TRAF3IP1: variants seen among roughly 807,000 people sequenced by gnomAD.
The protein encoded by TRAF3IP1 is TRAF3-interacting protein 1.
A neutral mutation model predicts 89.9 loss-of-function variants in TRAF3IP1; 53 were observed. That is an observed-to-expected ratio of 0.59 (90% CI 0.47 to 0.74). The LOEUF is 0.74. Among genes scored for constraint, TRAF3IP1 ranks in the 30% least tolerant of loss-of-function variants. TRAF3IP1 has a pLI of 0.00. For missense variants in TRAF3IP1, 806 were observed against 866.1 expected, an observed-to-expected ratio of 0.93 and a Z score of 0.87; for synonymous variants, 311 against 322.1, an observed-to-expected ratio of 0.97 and a Z score of 0.37.
intron 10 of TRAF3IP1, among the ~76,000 whole-genome samples, chr2:238,348,230 G>A (rs1698990997): frequency 6.6e-6 from 1 of 151,566 alleles, no homozygotes; most frequent in Non-Finnish European, 1.5e-5. Context: ...AAAATTAAAA[G>A]CACTGGTAAT....
Position 238,356,034 on chromosome 2 carries a change from A to G in TRAF3IP1, c.1643A>G (p.Lys548Arg). 4 of 1,613,886 alleles carry G rather than the reference A, an allele frequency of 2.5e-6. No homozygotes were observed. The highest frequency in any genetic ancestry group is 4.5e-5 in the East Asian group (2 of 44,874). ...CTTGTGAAAAAAATTTTGGAGACGA[A>G]GAAAGATTATGAGAAATTGCAGCAG... The part of the protein sequence containing the change: ...GGLVKKILET[K>R]KDYEKLQQSP... Residue 548 changes from lysine to arginine, a missense_variant, in exon 15 of 17, where the codon AAG (lysine) becomes AGG (arginine). This residue lies in a region of TRAF3IP1 where 732 missense variants were observed against 780.5 expected (regional missense o/e 0.94). Transcript: ENST00000373327.
chr2:238,357,084 GTTT>G (rs888514267), intron 15 of TRAF3IP1, among the ~76,000 whole-genome samples: 5 of 152,190 alleles, frequency 3.3e-5, no homozygotes, highest in African/African-American at 1.2e-4. Flanking sequence ...GGCCGGGAAT[GTTT>G]TTAAGTCTTT....
At chr2:238,322,510 T>G (rs1049521855) in intron 1 of TRAF3IP1, among the ~76,000 whole-genome samples, 7 of 152,008 alleles carry the variant, frequency 4.6e-5, no homozygotes, top group Non-Finnish European at 1.0e-4. Flanking sequence ...CCAACATGGT[T>G]AAAACTCCAT....
At chr2:238,339,805 G>A (rs768372494) in intron 8 of TRAF3IP1, among the ~76,000 whole-genome samples, 3 of 152,268 alleles carry the variant, frequency 2.0e-5, no homozygotes, top group Admixed American at 6.5e-5. Context: ...AGATCAGGGC[G>A]AGACAGCGCT....
chr2:238,350,345 C>T (rs1347198209), intron 12 of TRAF3IP1, among the ~76,000 whole-genome samples: 2 of 151,970 alleles, frequency 1.3e-5, no homozygotes, highest in Non-Finnish European at 2.9e-5. Flanking sequence ...GAGCAGAGTC[C>T]CCGTGTGGGT....
intron 15 of TRAF3IP1, among the ~76,000 whole-genome samples, chr2:238,371,540 A>C (rs989380222): frequency 6.6e-6 from 1 of 152,208 alleles, no homozygotes; most frequent in African/African-American, 2.4e-5. Context: ...ATAATGCAAG[A>C]GCTCAAAAAA....
intron 15 of TRAF3IP1, among the ~76,000 whole-genome samples, chr2:238,383,993 G>A (rs1700652844): frequency 6.6e-6 from 1 of 152,096 alleles, no homozygotes; most frequent in Non-Finnish European, 1.5e-5. Flanking sequence ...CCGTCTTTGG[G>A]GTTGACTATT....
At chr2:238,340,833 G>GTA (rs1553612058) in intron 8 of TRAF3IP1, among the ~76,000 whole-genome samples, 127 of 70,932 alleles carry the variant, frequency 1.8e-3, no homozygotes, top group South Asian at 4.5e-3. Flanking sequence ...GTGTGTGTGT[G>GTA]TATATATATA....
In TRAF3IP1 at chr2:238,321,828, AC is replaced by A. The variant is rs141987527; in HGVS notation, c.123+1045del. ...CAGACTTCCAGGGCCTCATGACCTC[AC>A]CTGGTGATGGTCCTCAAGCTCTGTT... On this transcript the variant is annotated intron_variant, in intron 1 of 16. Coordinates refer to ENST00000373327, the MANE Select transcript of TRAF3IP1 (RefSeq NM_015650.4). 5.3e-4 allele frequency among the ~76,000 whole-genome samples: 80 copies of A among 152,236 alleles called. No individual in the cohort carries two copies. The East Asian group carries it at 0.015, about 29-fold the overall frequency.
intron 8 of TRAF3IP1, among the ~76,000 whole-genome samples, chr2:238,340,299 C>A (rs1698580026): frequency 6.6e-6 from 1 of 152,152 alleles, no homozygotes; most frequent in Non-Finnish European, 1.5e-5. Flanking sequence ...TGAGGGTGCA[C>A]TGCTATTGGG....
In TRAF3IP1 at chr2:238,365,519, A is replaced by G. The variant is rs904925860; in HGVS notation, c.1689+9439A>G. Among the ~76,000 whole-genome samples the G allele has an allele frequency of 9.9e-5, 15 of 152,114 alleles. No individual in the cohort carries two copies. The East Asian group carries it at 2.7e-3, about 27-fold the overall frequency. On this transcript the variant is annotated intron_variant, in intron 15 of 16. Transcript: ENST00000373327. ...CTACAAAAATTAAAAACAATCAGAC[A>G]TGGTGGTGCATACCTGTGTTTCCAG...
intron 5 of TRAF3IP1, 82 bp from the exon 6 acceptor site, chr2:238,332,742 G>A (rs974049101): frequency 2.8e-6 from 3 of 1,055,094 alleles, no homozygotes; most frequent in South Asian, 1.4e-5. Flanking sequence ...GTTGGTCAGT[G>A]TTATAGAAAA....
At chr2:238,360,861 C>G (rs551195290) in intron 15 of TRAF3IP1, among the ~76,000 whole-genome samples, 1 of 151,852 alleles carries the variant, frequency 6.6e-6, no homozygotes, top group Non-Finnish European at 1.5e-5. Flanking sequence ...GCCTGGGGGA[C>G]AAAGTGAGAT....
intron 7 of TRAF3IP1, among the ~76,000 whole-genome samples, chr2:238,334,259 T>G (rs899772981): frequency 2.0e-5 from 3 of 152,212 alleles, no homozygotes; most frequent in South Asian, 2.1e-4. Flanking sequence ...GAGTAGCCCC[T>G]CTTTGCTGGA....
rs1010121581 is a variant in TRAF3IP1, at chr2:238,400,565, A to G, written c.*1646A>G. 1 of 152,186 alleles carries G rather than the reference A, an allele frequency of 6.6e-6. No homozygotes were observed. The highest frequency in any genetic ancestry group is 1.5e-5 in the Non-Finnish European group (1 of 68,032). 9.4% of individuals were successfully genotyped at this position (152,186 alleles called of 1,614,324 possible). Reference sequence around the variant, plus strand: ...AAACGCTGGTCTTTTTCTCCTTCCTATAGTGCACCATAAAATTCTGTTTGA... The same window carrying G: ...AAACGCTGGTCTTTTTCTCCTTCCTGTAGTGCACCATAAAATTCTGTTTGA... On this transcript the variant is annotated 3_prime_UTR_variant, in exon 17 of 17. Transcript: ENST00000373327.
intron 15 of TRAF3IP1, among the ~76,000 whole-genome samples, chr2:238,362,262 T>C (rs1184810334): frequency 6.6e-6 from 1 of 152,184 alleles, no homozygotes; most frequent in African/African-American, 2.4e-5. Context: ...TTTTTTTTTT[T>C]ACTAAGTCAG....
chr2:238,355,370 A>G (rs1699362484), intron 14 of TRAF3IP1, among the ~76,000 whole-genome samples: 1 of 152,272 alleles, frequency 6.6e-6, no homozygotes, highest in South Asian at 2.1e-4. Flanking sequence ...ATGCATGTGC[A>G]TGTGTATTTA....
At chr2:238,390,310 C>G (rs1700941663) in intron 15 of TRAF3IP1, among the ~76,000 whole-genome samples, 1 of 152,188 alleles carries the variant, frequency 6.6e-6, no homozygotes, top group South Asian at 2.1e-4. Context: ...TCAGGATCAC[C>G]AACCTTTCAG....
At chr2:238,362,019 C>T (rs1559378253) in intron 15 of TRAF3IP1, among the ~76,000 whole-genome samples, 1 of 152,186 alleles carries the variant, frequency 6.6e-6, no homozygotes, top group Admixed American at 6.5e-5. Flanking sequence ...TCGGCAGGGT[C>T]ACCTGACCTC....
Sources: gnomAD v4.1 joint callset for allele counts (sites outside exome capture counted in the v4.1 genomes callset) on GRCh38, gnomAD v4.1.1 for gene constraint, gnomAD v4.1.1 regional missense constraint, MANE v1.5 for transcripts, NCBI Gene and HGNC (gene_info 2026-07-23, HGNC 2026-07-21) for gene names.